Variants in CD36 observed in about 807,000 individuals in gnomAD.
CD36 encodes the protein CD36 molecule (CD36 blood group).
Under a neutral mutation model 55.2 loss-of-function variants are expected in CD36, and 119 were observed. That is an observed-to-expected ratio of 2.15 (90% CI 1.86 to 2.51). The LOEUF (loss-of-function observed/expected upper bound fraction) is 2.51. CD36 is among the 30% of genes most tolerant of loss of function. The pLI is 0.00. For missense variants in CD36, 819 were observed against 555.5 expected (o/e 1.47, Z -4.77); for synonymous variants, 186 against 193.6 (o/e 0.96, Z 0.33).
At chr7:80,629,531 A>T (rs1218819497) in intron 1 of CD36, among the ~76,000 whole-genome samples, 1 of 152,074 alleles carries the variant, frequency 6.6e-6, no homozygotes, top group Non-Finnish European at 1.5e-5. Context: ...TTTCCCTCTG[A>T]ACTTAGTGTT....
chr7:80,672,953 A>AG (rs1797858658), intron 12 of CD36, 110 bp downstream of exon 12: 2 of 746,690 alleles, frequency 2.7e-6, no homozygotes, highest in African/African-American at 3.5e-5. Flanking sequence ...TCTGATATCA[A>AG]CTTATCTTTA....
chr7:80,651,884 G>A (rs1795651851), intron 3 of CD36, among the ~76,000 whole-genome samples: 2 of 152,108 alleles, frequency 1.3e-5, no homozygotes, highest in Non-Finnish European at 2.9e-5. Context: ...ACTTCAGCCT[G>A]GGTGACAAAG....
chr7:80,664,514 A>C lies in CD36; in HGVS notation c.701+17A>C. On this transcript the variant is annotated intron_variant, in intron 7 of 14. Coordinates refer to ENST00000447544, the MANE Select transcript of CD36 (RefSeq NM_001001548.3). ...AGGTAAAAGGTAAGTATTCTGGTAA[A>C]ATGTGCATGTATGTTACTAGGGTAC... 1 of 1,297,958 alleles carries C rather than the reference A, an allele frequency of 7.7e-7. No homozygotes were observed. 80.4% of individuals were successfully genotyped at this position (1,297,958 alleles called of 1,614,324 possible).
At chr7:80,639,402 A>C (rs186545416) in intron 1 of CD36, among the ~76,000 whole-genome samples, 1 of 152,006 alleles carries the variant, frequency 6.6e-6, no homozygotes, top group African/African-American at 2.4e-5. Context: ...GTAAATTAGT[A>C]GAATAAAAAT....
At chr7:80,668,656 A>G (rs1488528121) in intron 8 of CD36, among the ~76,000 whole-genome samples, 2 of 152,234 alleles carry the variant, frequency 1.3e-5, no homozygotes, top group Non-Finnish European at 2.9e-5. Flanking sequence ...TGATCTTAAA[A>G]GCTTTTCAAT....
rs1252341416 is a variant in CD36 at position 80,675,987 on chromosome 7, C to T, written c.*1-397C>T. On this transcript the variant is annotated intron_variant, in intron 14 of 14. Coordinates refer to ENST00000447544, the MANE Select transcript of CD36 (RefSeq NM_001001548.3). ...TGAAGCACCCTTCTTATGTGCCTTTCTGGAATGGGAATGTGTTTTGCCCTA... is the reference window on the plus strand; with the variant it reads ...TGAAGCACCCTTCTTATGTGCCTTTTTGGAATGGGAATGTGTTTTGCCCTA... The T allele has an allele frequency of 2.4e-4, 37 of 151,950 alleles. 1 individual carries two copies. Among genetic ancestry groups the T allele is most frequent in the Admixed American group, 2.4e-3 (37 of 15,248 alleles). The allele number at this position is 151,950 out of a possible 1,614,324, so 9.4% of individuals were successfully genotyped here. A position where few individuals can be genotyped will look rare whatever the true frequency, so the allele number is the denominator to read the frequency against.
intron 11 of CD36, 79 bp downstream of exon 11, chr7:80,672,119 TTATTTATTCAATAAATAATCA>T (rs1797742781): frequency 1.7e-6 from 2 of 1,148,374 alleles, no homozygotes; most frequent in South Asian, 2.6e-5. Context: ...TTGTCGATGA[TTATTTATTCAATAAATAATCA>T]TATTTATTGA....
In CD36 at chr7:80,656,605, C is replaced by G. The variant is rs574416705; in HGVS notation, c.186C>G (p.Tyr62Ter). 5.0e-5 allele frequency: 81 copies of G among 1,613,702 alleles called. 2 individuals are homozygous for G. In the South Asian group the frequency reaches 8.1e-4, roughly 16 times the overall value. The change falls in exon 4 of 15, where the codon TAC becomes TAG. Residue 62 changes from tyrosine to a stop codon, truncating the protein, a stop_gained. Coordinates refer to ENST00000447544, the MANE Select transcript of CD36 (RefSeq NM_001001548.3). LOFTEE classifies it high-confidence loss of function. Reference sequence around the variant, plus strand: ...GGGTTAAAACAGGCACAGAAGTTTACAGACAGTTTTGGATCTTTGATGTGC... The same window carrying G: ...GGGTTAAAACAGGCACAGAAGTTTAGAGACAGTTTTGGATCTTTGATGTGC... ...KNWVKTGTEV[Y>*]RQFWIFDVQN...
intron 1 of CD36, among the ~76,000 whole-genome samples, chr7:80,645,465 C>G (rs1295839731): frequency 1.3e-5 from 2 of 151,610 alleles, no homozygotes; most frequent in Non-Finnish European, 2.9e-5. Context: ...AACCCCATCT[C>G]TACTGAAAAT....
intron 1 of CD36, among the ~76,000 whole-genome samples, chr7:80,643,255 A>C (rs370540966): frequency 6.6e-6 from 1 of 152,292 alleles, no homozygotes; most frequent in African/African-American, 2.4e-5. Flanking sequence ...TGTGGCATAG[A>C]ATCTGGAGAA....
At chr7:80,650,017 G>C (rs774397832) in intron 3 of CD36, among the ~76,000 whole-genome samples, 6 of 151,980 alleles carry the variant, frequency 3.9e-5, no homozygotes, top group Non-Finnish European at 8.8e-5. Flanking sequence ...AATAAAGAAG[G>C]GGGAATTAAA....
chr7:80,611,146 C>A (rs1030309926), intron 1 of CD36, among the ~76,000 whole-genome samples: 1 of 151,818 alleles, frequency 6.6e-6, no homozygotes, highest in Admixed American at 6.6e-5. Context: ...GCCCCACAAA[C>A]CACTGGGATT....
Position 80,671,097 on chromosome 7 carries a change from C to T in CD36, c.939C>T (p.Cys313=). The change falls in exon 10 of 15, where the codon TGC becomes TGT. Residue 313 remains cysteine (C), a synonymous_variant. Coordinates refer to ENST00000447544, the MANE Select transcript of CD36 (RefSeq NM_001001548.3). ...AAAACCCAGACAACTATTGTTTCTG[C>T]ACAGAAAAAATTATCTCAAAAAATT... is the stretch of plus-strand genomic sequence containing the variant. ...PVENPDNYCF[C]TEKIISKNCT... 1 of 1,612,696 alleles carries T rather than the reference C, an allele frequency of 6.2e-7. No homozygotes were observed. The highest frequency in any genetic ancestry group is 8.5e-7 in the Non-Finnish European group (1 of 1,178,946).
chr7:80,622,483 G>A (rs1435404798), intron 1 of CD36, among the ~76,000 whole-genome samples: 1 of 152,224 alleles, frequency 6.6e-6, no homozygotes, highest in Non-Finnish European at 1.5e-5. Context: ...GGAGAAAGGT[G>A]TTAAAAAGAG....
In CD36 at chr7:80,663,000, A is replaced by C. The variant is rs753135305; in HGVS notation, c.440A>C (p.His147Pro). The C allele has an allele frequency of 6.2e-7, 1 of 1,612,102 alleles. No homozygotes were observed. Among genetic ancestry groups the C allele is most frequent in the South Asian group, 1.1e-5 (1 of 91,016 alleles). ...ACTTTGTTTTTGTAGGCTGCATCCC[A>C]TATCTATCAAAATCAATTTGTTCAA... ...VLNLAVAAASHIYQNQFVQMI... is the reference protein window; with the variant it reads ...VLNLAVAAASPIYQNQFVQMI... Residue 147 changes from histidine (H) to proline (P), a missense_variant, in exon 6 of 15, where the codon CAT (histidine) becomes CCT (proline). His to Pro is a moderately conservative substitution (Grantham distance 77). Transcript: ENST00000447544.
chr7:80,611,255 C>T (rs1324405395), intron 1 of CD36, among the ~76,000 whole-genome samples: 1 of 152,150 alleles, frequency 6.6e-6, no homozygotes, highest in Admixed American at 6.5e-5. Context: ...CCTGTTGTGA[C>T]CTGGCCATGT....
rs758161307 is a variant in CD36, at chr7:80,646,759, T to G, written c.19T>G (p.Cys7Gly). The change falls in exon 3 of 15, where the codon TGT becomes GGT. Residue 7 changes from cysteine (C) to glycine (G), a missense_variant. By Grantham distance (159) the Cys-to-Gly change is radical. Transcript: ENST00000447544. ...AAGAAAAATGGGCTGTGACCGGAACTGTGGGCTCATCGCTGGGGCTGTCAT... is the reference window on the plus strand; with the variant it reads ...AAGAAAAATGGGCTGTGACCGGAACGGTGGGCTCATCGCTGGGGCTGTCAT... MGCDRN[C>G]GLIAGAVIGA... is the part of the protein sequence containing the mutation. 8.1e-6 allele frequency: 13 copies of G among 1,613,894 alleles called. No individual in the cohort carries two copies. The highest frequency in any genetic ancestry group is 5.3e-5 in the African/African-American group (4 of 74,910).
At chr7:80,628,352 C>G (rs1055402520) in intron 1 of CD36, among the ~76,000 whole-genome samples, 1 of 151,950 alleles carries the variant, frequency 6.6e-6, no homozygotes, top group Non-Finnish European at 1.5e-5. Context: ...TATGAATGAA[C>G]AGATGATGAA....
rs1440442406 is a variant in CD36, at chr7:80,660,232, C to G, written c.282-831C>G. 2.0e-5 allele frequency among the ~76,000 whole-genome samples: 3 copies of G among 152,160 alleles called. No homozygotes were observed. The East Asian group carries it at 5.8e-4, about 29-fold the overall frequency. ...GTAATAATCACCCTTCACCGCGTTC[C>G]TAAAATGTAGTTGGTACTTTGCAGC... On this transcript the variant is annotated intron_variant, in intron 4 of 14. Coordinates refer to ENST00000447544, the MANE Select transcript of CD36 (RefSeq NM_001001548.3).
Sources: gnomAD v4.1 joint callset for allele counts (sites outside exome capture counted in the v4.1 genomes callset) on GRCh38, gnomAD v4.1.1 for gene constraint, MANE v1.5 for transcripts, NCBI Gene and HGNC (gene_info 2026-07-23, HGNC 2026-07-21) for gene names.